HIVEP3: variants seen among roughly 807,000 people sequenced by gnomAD.
The protein encoded by HIVEP3 is transcription factor HIVEP3.
HIVEP3 carries 49 observed loss-of-function variants against 152.8 expected under a neutral mutation model. The ratio of observed to expected loss-of-function variants is 0.32; its 90% confidence interval spans 0.26 to 0.41. The LOEUF is 0.41. Ranked by LOEUF, HIVEP3 falls within the 10% of genes least tolerant of loss-of-function variation. HIVEP3 has a pLI of 1.00. For synonymous variants in HIVEP3, 1,269 were observed against 1,289.0 expected (o/e 0.98, Z 0.33); for missense variants, 2,790 against 3,103.3 (o/e 0.90, Z 2.40).
chr1:41,917,307 C>T (rs1206026371), intron 1 of HIVEP3, among the ~76,000 whole-genome samples: 1 of 152,130 alleles, frequency 6.6e-6, no homozygotes, highest in East Asian at 1.9e-4. Flanking sequence ...CTTCCCTCCC[C>T]CCGTAACACC....
intron 2 of HIVEP3, among the ~76,000 whole-genome samples, chr1:41,697,605 C>T (rs754005995): frequency 2.1e-4 from 32 of 152,116 alleles, no homozygotes; most frequent in Non-Finnish European, 1.2e-4. Context: ...TGAGGGAGAG[C>T]GAGTTGGCTG....
intron 1 of HIVEP3, among the ~76,000 whole-genome samples, chr1:41,731,629 A>T (rs550897679): frequency 2.0e-5 from 3 of 152,330 alleles, no homozygotes; most frequent in Admixed American, 1.3e-4. Flanking sequence ...TGCCATGTCA[A>T]ACAGCCTATG....
intron 1 of HIVEP3, among the ~76,000 whole-genome samples, chr1:41,738,736 T>C (rs72669097): frequency 6.6e-6 from 1 of 152,330 alleles, no homozygotes; most frequent in Non-Finnish European, 1.5e-5. Flanking sequence ...CCTTTCTCCA[T>C]GCCTTAGCTT....
chr1:41,932,378 TATA>T (rs1307937086), intron 1 of HIVEP3, among the ~76,000 whole-genome samples: 2 of 151,940 alleles, frequency 1.3e-5, no homozygotes, highest in East Asian at 3.8e-4. Flanking sequence ...TTATTGAAGA[TATA>T]ATATTTCTTC....
At position 42,029,174 on chromosome 1, in the gene HIVEP3, T is replaced by C. The variant is rs530731287; in HGVS notation, n.119+6633A>G. On this transcript the variant is annotated intron_variant and non_coding_transcript_variant, in intron 1 of 3. Transcript: ENST00000489103. Reference sequence around the variant, plus strand: ...AGTAATTTATCACACTCAAAAGCAATGTTTCTCAGGGGGGTTCAGTGTGAA... The same window carrying C: ...AGTAATTTATCACACTCAAAAGCAACGTTTCTCAGGGGGGTTCAGTGTGAA... Among the ~76,000 whole-genome samples, 4 of 152,278 alleles carry C rather than the reference T, an allele frequency of 2.6e-5. No individual in the cohort carries two copies. In the East Asian group the frequency reaches 7.7e-4, roughly 29 times the overall value.
At chr1:41,878,289 A>G (rs182377748) in intron 1 of HIVEP3, among the ~76,000 whole-genome samples, 1 of 152,236 alleles carries the variant, frequency 6.6e-6, no homozygotes, top group East Asian at 1.9e-4. Flanking sequence ...AAACACATAA[A>G]AACCCTGGCC....
rs779858603 is a variant in HIVEP3 at position 41,581,889 on chromosome 1, G to T, written c.2909C>A (p.Pro970His). The change falls in exon 4 of 9, where the codon CCC (proline) becomes CAC (histidine). Residue 970 changes from proline (P) to histidine (H), a missense_variant. Physicochemically the swap from Pro to His is moderately conservative, Grantham distance 77. This residue lies in a region of HIVEP3 where 1,078 missense variants were observed against 1,165.3 expected (regional missense o/e 0.93). Transcript: ENST00000372583. This position sits in a 1 kb window ranked among gnomAD's most constrained non-coding sequence, Gnocchi z 4.5. The stretch of plus-strand genomic sequence containing the variant: ...GACAGTCAACATGTGGGTGCCCAGG[G>T]GTTTGGGGCGCATGTCAGATGAGGG... ...PSPSSDMRPK[P>H]LGTHMLTVPS... 3 of 1,613,576 alleles carry T rather than the reference G, an allele frequency of 1.9e-6. No individual in the cohort carries two copies. In the East Asian group the frequency reaches 6.7e-5, roughly 36 times the overall value.
intron 1 of HIVEP3, among the ~76,000 whole-genome samples, chr1:42,011,070 C>T (rs1645489628): frequency 6.6e-6 from 1 of 152,196 alleles, no homozygotes; most frequent in African/African-American, 2.4e-5. Context: ...ATCTTTTCTA[C>T]CCACAGCACT....
At chr1:41,885,751 C>CCCCTT (rs1299969001) in intron 1 of HIVEP3, among the ~76,000 whole-genome samples, 49 of 148,040 alleles carry the variant, frequency 3.3e-4, no homozygotes, top group Non-Finnish European at 6.0e-4. Context: ...CTTTCCCTTC[C>CCCCTT]CCCTTCCCTT....
At chr1:41,548,891 C>T (rs543176705) in intron 5 of HIVEP3, among the ~76,000 whole-genome samples, 5 of 151,876 alleles carry the variant, frequency 3.3e-5, no homozygotes, top group African/African-American at 9.7e-5. Flanking sequence ...TTTTATTATA[C>T]TTTAAGTTCT....
chr1:41,687,440 A>G (rs1297580592), intron 2 of HIVEP3, among the ~76,000 whole-genome samples: 1 of 152,232 alleles, frequency 6.6e-6, no homozygotes, highest in African/African-American at 2.4e-5. Context: ...CCAGCTTTCC[A>G]CATCTCTCCA....
intron 5 of HIVEP3, among the ~76,000 whole-genome samples, chr1:41,556,137 T>G (rs1480716583): frequency 6.6e-6 from 1 of 152,218 alleles, no homozygotes; most frequent in Non-Finnish European, 1.5e-5. Flanking sequence ...ATTGGTGGTA[T>G]GTACTTGGAT....
intron 1 of HIVEP3, among the ~76,000 whole-genome samples, chr1:41,757,540 G>A (rs960052697): frequency 2.6e-5 from 4 of 151,904 alleles, no homozygotes; most frequent in Admixed American, 6.6e-5. Context: ...CTCCAGCCTG[G>A]GCAACAGATT....
intron 2 of HIVEP3, among the ~76,000 whole-genome samples, chr1:41,647,779 G>A (rs374846763): frequency 5.3e-5 from 8 of 152,224 alleles, no homozygotes; most frequent in Non-Finnish European, 8.8e-5. Context: ...AGTCCCAATC[G>A]CTCCTTCTTG....
At chr1:41,735,276 C>T (rs959971107) in intron 1 of HIVEP3, among the ~76,000 whole-genome samples, 22 of 152,272 alleles carry the variant, frequency 1.4e-4, no homozygotes, top group South Asian at 1.0e-3. Flanking sequence ...CGTAAGGGCA[C>T]GTAGAACCAT....
chr1:41,707,518 G>A (rs1189297342), intron 1 of HIVEP3, among the ~76,000 whole-genome samples: 1 of 152,222 alleles, frequency 6.6e-6, no homozygotes, highest in East Asian at 1.9e-4. Context: ...TACTGGGAAG[G>A]GTGAGGAGGG....
At chr1:41,518,151 T>C (rs373061069) in intron 7 of HIVEP3, among the ~76,000 whole-genome samples, 1 of 152,224 alleles carries the variant, frequency 6.6e-6, no homozygotes, top group Non-Finnish European at 1.5e-5. Flanking sequence ...TGGCAGATGG[T>C]AATGCATGAT....
chr1:41,581,596 C>T lies in HIVEP3; in HGVS notation c.3202G>A (p.Glu1068Lys). The change falls in exon 4 of 9, where the codon GAG (glutamate) becomes AAG (lysine). Residue 1068 changes from glutamate to lysine, a missense_variant. Around this residue, in one of 9 missense-constraint regions of HIVEP3, gnomAD observed 1,078 missense variants for 1,165.3 expected, o/e 0.93. Transcript: ENST00000372583. This position sits in a 1 kb window ranked among gnomAD's most constrained non-coding sequence, Gnocchi z 4.5. ...GATGAGGGCTGTGGTTCTTCGCTCT[C>T]CTGTCTTCCCTTGGGGGCAACCTCC... ...ELEVAPKGRQESEEPQPSSSK... is the reference protein window; with the variant it reads ...ELEVAPKGRQKSEEPQPSSSK... The T allele has an allele frequency of 6.2e-7, 1 of 1,613,972 alleles. No homozygotes were observed. Among genetic ancestry groups the T allele is most frequent in the Non-Finnish European group, 8.5e-7 (1 of 1,179,942 alleles).
At position 41,511,301 on chromosome 1, in the gene HIVEP3, G is replaced by T; in HGVS notation, c.6406-35C>A. On this transcript the variant is annotated intron_variant, in intron 8 of 8. Transcript: ENST00000372583. The surrounding 1 kb of genome is among the most constrained non-coding windows in gnomAD (Gnocchi z 4.9). Reference sequence around the variant, plus strand: ...GAAAACAAGACAAGGTAAGGTGAAGGTTACATGCTGGGCACATGGGGAGCC... The same window carrying T: ...GAAAACAAGACAAGGTAAGGTGAAGTTTACATGCTGGGCACATGGGGAGCC... The T allele has an allele frequency of 6.6e-7, 1 of 1,522,170 alleles. No individual in the cohort carries two copies. Among genetic ancestry groups the T allele is most frequent in the Non-Finnish European group, 8.9e-7 (1 of 1,128,098 alleles). The allele number at this position is 1,522,170 out of a possible 1,614,324, so 94.3% of individuals were successfully genotyped here.
Sources: gnomAD v4.1 joint callset for allele counts (sites outside exome capture counted in the v4.1 genomes callset) on GRCh38, gnomAD v4.1.1 for gene constraint, gnomAD v4.1.1 regional missense constraint, Gnocchi (gnomAD v3.1) non-coding constraint, MANE v1.5 for transcripts, NCBI Gene and HGNC (gene_info 2026-07-23, HGNC 2026-07-21) for gene names.